RELN: variants seen among roughly 807,000 people sequenced by gnomAD.
The protein encoded by RELN is reelin.
RELN carries 108 observed loss-of-function variants against 427.6 expected under a neutral mutation model. The observed-to-expected ratio is 0.25, with a 90% confidence interval of 0.22 to 0.30. The LOEUF is 0.30. Among genes scored for constraint, RELN ranks in the 10% least tolerant of loss-of-function variants. The probability of loss-of-function intolerance (pLI) is 1.00; values close to 1 mark genes in which losing one functional copy is unlikely to be tolerated. For synonymous variants in RELN, 1,524 were observed against 1,513.4 expected, an observed-to-expected ratio of 1.01 and a Z score of -0.16; for missense variants, 3,715 against 4,302.8, an observed-to-expected ratio of 0.86 and a Z score of 3.82.
intron 20 of RELN, among the ~76,000 whole-genome samples, chr7:103,623,582 AC>A (rs1360988243): frequency 5.9e-5 from 9 of 152,320 alleles, no homozygotes; most frequent in Admixed American, 5.2e-4. Flanking sequence ...CACAATCCTT[AC>A]ATTAGTATCA....
chr7:103,509,304 T>TA (rs2117057222), intron 51 of RELN, among the ~76,000 whole-genome samples: 1 of 152,110 alleles, frequency 6.6e-6, no homozygotes, highest in South Asian at 2.1e-4. Context: ...CCAAAACAGT[T>TA]ATATAGACCA....
chr7:103,889,664 A>G (rs1285648498), intron 2 of RELN, among the ~76,000 whole-genome samples: 3 of 152,166 alleles, frequency 2.0e-5, no homozygotes, highest in East Asian at 1.9e-4. Flanking sequence ...AAAGGGGGGC[A>G]GGGCAGGCAG....
chr7:103,537,731 C>A (rs1187743330), intron 45 of RELN, among the ~76,000 whole-genome samples: 2 of 152,166 alleles, frequency 1.3e-5, no homozygotes, highest in Non-Finnish European at 2.9e-5. Context: ...CCACTAGATG[C>A]AGACCAAGAC....
At chr7:103,583,112 T>G (rs1831192629) in intron 28 of RELN, among the ~76,000 whole-genome samples, 1 of 152,206 alleles carries the variant, frequency 6.6e-6, no homozygotes, top group Non-Finnish European at 1.5e-5. Flanking sequence ...TCCATTTTTC[T>G]AGGGAGAAAG....
chr7:103,778,224 G>A (rs1170291219), intron 3 of RELN, among the ~76,000 whole-genome samples: 3 of 152,106 alleles, frequency 2.0e-5, no homozygotes, highest in African/African-American at 4.8e-5. Flanking sequence ...TGACCAGAGG[G>A]AACACCGTAA....
At chr7:103,819,274 AATTATAAGTCT>A (rs1792958563) in intron 3 of RELN, among the ~76,000 whole-genome samples, 1 of 152,138 alleles carries the variant, frequency 6.6e-6, no homozygotes, top group African/African-American at 2.4e-5. Context: ...AATTCTTTTA[AATTATAAGTCT>A]AAACTAAGAC....
At chr7:103,557,591 A>C (rs1393143931) in intron 37 of RELN, among the ~76,000 whole-genome samples, 7 of 152,222 alleles carry the variant, frequency 4.6e-5, no homozygotes, top group African/African-American at 1.7e-4. Flanking sequence ...AGAATGACTA[A>C]GAATAGGCTT....
intron 2 of RELN, among the ~76,000 whole-genome samples, chr7:103,837,482 C>T (rs1793438528): frequency 6.6e-6 from 1 of 152,200 alleles, no homozygotes; most frequent in Non-Finnish European, 1.5e-5. Flanking sequence ...TACAGCAGGC[C>T]CCAGACTTTT....
intron 20 of RELN, among the ~76,000 whole-genome samples, chr7:103,618,909 G>A (rs1427143719): frequency 1.3e-4 from 20 of 152,036 alleles, no homozygotes; most frequent in African/African-American, 2.7e-4. Flanking sequence ...TCAGGAGATC[G>A]AAACCATCCT....
At chr7:103,817,972 A>G (rs1439479469) in intron 3 of RELN, among the ~76,000 whole-genome samples, 1 of 151,280 alleles carries the variant, frequency 6.6e-6, no homozygotes, top group African/African-American at 2.4e-5. Context: ...GAAAAGAAAA[A>G]AAGTGAATTT....
Position 103,566,236 on chromosome 7 carries a change from T to C in RELN, c.4924A>G (p.Thr1642Ala). The change falls in exon 33 of 65, where the codon ACT becomes GCT. Residue 1642 changes from threonine (T) to alanine (A), a missense_variant. This residue lies in a region of RELN where 2,208 missense variants were observed against 2,361.7 expected (regional missense o/e 0.93). Transcript: ENST00000428762. ...CLSMDTALIF[T>A]ENIGKPRYAE... ...TGACAATATATACCTATGTTTTCAG[T>C]GAATATCAGAGCAGTATCCATAGAG... 3 of 1,612,610 alleles carry C rather than the reference T, an allele frequency of 1.9e-6. No homozygotes were observed. The highest frequency in any genetic ancestry group is 2.5e-6 in the Non-Finnish European group (3 of 1,178,662).
At chr7:103,828,865 C>G (rs539617963) in intron 3 of RELN, among the ~76,000 whole-genome samples, 5 of 151,942 alleles carry the variant, frequency 3.3e-5, no homozygotes, top group Admixed American at 3.3e-4. Flanking sequence ...AGAGAGATTC[C>G]GATGCCATAC....
chr7:103,531,963 C>A (rs755697372), intron 46 of RELN, among the ~76,000 whole-genome samples: 4 of 152,104 alleles, frequency 2.6e-5, no homozygotes, highest in Non-Finnish European at 5.9e-5. Flanking sequence ...CCCAAAGGAA[C>A]ATAAATCTTT....
intron 24 of RELN, among the ~76,000 whole-genome samples, chr7:103,601,276 T>C (rs1302269196): frequency 1.3e-5 from 2 of 152,154 alleles, no homozygotes; most frequent in Admixed American, 1.3e-4. Flanking sequence ...TTTTGATAAC[T>C]GAGCGACTAT....
At chr7:103,707,929 C>G (rs1834241307) in intron 8 of RELN, among the ~76,000 whole-genome samples, 1 of 152,124 alleles carries the variant, frequency 6.6e-6, no homozygotes, top group African/African-American at 2.4e-5. Flanking sequence ...GTACCCTGTA[C>G]TTGTTATTTA....
chr7:103,731,688 G>A (rs867926660), intron 6 of RELN, among the ~76,000 whole-genome samples: 19 of 152,098 alleles, frequency 1.2e-4, no homozygotes, highest in South Asian at 6.2e-4. Flanking sequence ...AAGCCTGGGG[G>A]CTATTAATGT....
chr7:103,802,185 A>G (rs1563022099), intron 3 of RELN, among the ~76,000 whole-genome samples: 1 of 152,208 alleles, frequency 6.6e-6, no homozygotes, highest in Non-Finnish European at 1.5e-5. Flanking sequence ...AATTCAGGAG[A>G]AAATAAATTA....
chr7:103,888,336 C>T (rs991896367), intron 2 of RELN, among the ~76,000 whole-genome samples: 9 of 152,020 alleles, frequency 5.9e-5, no homozygotes, highest in Non-Finnish European at 1.2e-4. Flanking sequence ...TCACAAGAAA[C>T]TGCTCTTGCT....
intron 34 of RELN, among the ~76,000 whole-genome samples, chr7:103,565,007 C>T (rs1830717201): frequency 6.6e-6 from 1 of 152,146 alleles, no homozygotes; most frequent in East Asian, 1.9e-4. Flanking sequence ...TGGGCAGAGA[C>T]TTATTTTTAC....
Sources: gnomAD v4.1 joint callset for allele counts (sites outside exome capture counted in the v4.1 genomes callset) on GRCh38, gnomAD v4.1.1 for gene constraint, gnomAD v4.1.1 regional missense constraint, MANE v1.5 for transcripts, NCBI Gene and HGNC (gene_info 2026-07-23, HGNC 2026-07-21) for gene names.